Variants in CCDC198 observed in about 807,000 individuals in gnomAD.
CCDC198 encodes the protein factor associated with metabolism and energy.
CCDC198 carries 18 observed loss-of-function variants against 35.6 expected under a neutral mutation model. The observed-to-expected ratio is 0.51, with a 90% CI of 0.35 to 0.75. CCDC198 has a LOEUF of 0.75. Among genes scored for constraint, CCDC198 ranks in the 30% least tolerant of loss-of-function variants. CCDC198 has a pLI of 0.01. For missense variants in CCDC198, 365 were observed against 343.7 expected (o/e 1.06, Z -0.49); for synonymous variants, 119 against 113.4 (o/e 1.05, Z -0.31).
intron 1 of CCDC198, among the ~76,000 whole-genome samples, chr14:57,491,744 G>A (rs1444651984): frequency 6.6e-6 from 1 of 152,214 alleles, no homozygotes; most frequent in East Asian, 1.9e-4. Flanking sequence ...GCTCTTGGGA[G>A]TGCTACCATG....
intron 5 of CCDC198, chr14:57,478,988 G>C: frequency 7.8e-7 from 1 of 1,289,358 alleles, no homozygotes; most frequent in African/African-American, 1.5e-5. Flanking sequence ...CGATCTGTGT[G>C]TGTGAACAAT....
chr14:57,470,732 T>C lies in CCDC198; in HGVS notation c.*623A>G, dbSNP rs1181967402. The stretch of plus-strand genomic sequence containing the variant: ...ACCCCAAAGGACCACACTTTGGCAC[T>C]CATGCCCTTGTGTAGTCCTCTTCTG... On this transcript the variant is annotated 3_prime_UTR_variant, in exon 6 of 6. Transcript: ENST00000216445. 6.6e-6 allele frequency: 1 copy of C among 152,286 alleles called. No individual in the cohort carries two copies. The highest frequency in any genetic ancestry group is 1.5e-5 in the Non-Finnish European group (1 of 68,052). The allele number at this position is 152,286 out of a possible 1,614,324, so 9.4% of individuals were successfully genotyped here. A position where few individuals can be genotyped will look rare whatever the true frequency, so the allele number is the denominator to read the frequency against.
At chr14:57,475,430 T>C (rs2066950863) in intron 5 of CCDC198, 1 of 1,203,116 alleles carries the variant, frequency 8.3e-7, no homozygotes, top group African/African-American at 1.6e-5. Context: ...CATATGACTG[T>C]TTTCACTATA....
At chr14:57,491,382 G>T (rs2067562884) in intron 1 of CCDC198, among the ~76,000 whole-genome samples, 1 of 151,968 alleles carries the variant, frequency 6.6e-6, no homozygotes, top group African/African-American at 2.4e-5. Context: ...ACAGAATTTG[G>T]CCTGGAAAAT....
intron 5 of CCDC198, among the ~76,000 whole-genome samples, chr14:57,477,038 C>G (rs1566575298): frequency 6.6e-6 from 1 of 152,202 alleles, no homozygotes; most frequent in African/African-American, 2.4e-5. Context: ...TGGCTGTGAC[C>G]TTGCATATGT....
intron 5 of CCDC198, among the ~76,000 whole-genome samples, chr14:57,479,626 G>A (rs2067116990): frequency 6.6e-6 from 1 of 152,190 alleles, no homozygotes; most frequent in Admixed American, 6.5e-5. Flanking sequence ...ACTCCCAGGT[G>A]ATACTGATGA....
At chr14:57,475,477 T>A in intron 5 of CCDC198, 1 of 1,223,070 alleles carries the variant, frequency 8.2e-7, no homozygotes, top group Non-Finnish European at 1.1e-6. Flanking sequence ...GGCTCATGCC[T>A]GTAATCGGAT....
At chr14:57,486,901 G>T (rs1206976244) in intron 2 of CCDC198, among the ~76,000 whole-genome samples, 1 of 152,180 alleles carries the variant, frequency 6.6e-6, no homozygotes, top group African/African-American at 2.4e-5. Flanking sequence ...TTTCTCCCTG[G>T]CGTTTGAAAA....
At chr14:57,475,784 GC>G in intron 5 of CCDC198, 8 of 204,090 alleles carry the variant, frequency 3.9e-5, no homozygotes, top group South Asian at 2.4e-4. Context: ...ACGGCACTTA[GC>G]TTCTTTTTTT....
Position 57,493,494 on chromosome 14 carries a change from T to A in CCDC198, c.222A>T (p.Thr74=). 2 of 1,612,804 alleles carry A rather than the reference T, an allele frequency of 1.2e-6. No homozygotes were observed. Among genetic ancestry groups the A allele is most frequent in the Non-Finnish European group, 8.5e-7 (1 of 1,178,866 alleles). ...TCTCATGCTGGGTTTTATGTTTACC[T>A]GTAGAATATCTTCCATACCAGTTTT... ...LQENWYGRYS[T]ASRDMYFDIP... The change falls in exon 1 of 6, where the codon ACA becomes ACT. Residue 74 remains threonine (T), a splice_region_variant and synonymous_variant. Transcript: ENST00000216445.
At chr14:57,485,550 A>G (rs1152519) in intron 2 of CCDC198, among the ~76,000 whole-genome samples, 140,795 of 152,240 alleles carry the variant, frequency 0.92, 66,092 homozygotes, top group East Asian at 1. Context: ...AGGTGACCAG[A>G]ATAAAAAGAG....
chr14:57,471,613 T>A, intron 5 of CCDC198, 23 bp from the exon 6 acceptor site: 1 of 1,360,334 alleles, frequency 7.4e-7, no homozygotes, highest in East Asian at 2.4e-5. Flanking sequence ...TAAGTTTCTT[T>A]AATTTTTTCC....
intron 5 of CCDC198, chr14:57,475,256 A>C: frequency 1.8e-6 from 1 of 542,254 alleles, no homozygotes; most frequent in Middle Eastern, 8.7e-4. Flanking sequence ...GTGAGACTCC[A>C]TCTCAAAATA....
intron 5 of CCDC198, chr14:57,475,215 T>A (rs961586699): frequency 2.2e-5 from 8 of 365,152 alleles, no homozygotes; most frequent in Middle Eastern, 2.7e-3. Flanking sequence ...GTGCAGAGAT[T>A]GTGCCACTGC....
Position 57,488,259 on chromosome 14 carries a change from G to T in CCDC198, c.306+2730C>A, listed in dbSNP as rs74335666. On this transcript the variant is annotated intron_variant, in intron 2 of 5. Transcript: ENST00000216445. ...AGAGCTCTGCATTTCAGGTTGCAAG[G>T]TATAATTCTTCCCTGAAGCTTAGGT... is the stretch of plus-strand genomic sequence containing the variant. 9.0e-3 allele frequency among the ~76,000 whole-genome samples: 1,364 copies of T among 152,262 alleles called. 8 individuals are homozygous for T. Among genetic ancestry groups the T allele is most frequent in the Non-Finnish European group, 0.017 (1,131 of 68,002 alleles).
intron 2 of CCDC198, among the ~76,000 whole-genome samples, chr14:57,489,913 G>A (rs2067502833): frequency 6.6e-6 from 1 of 152,032 alleles, no homozygotes. Context: ...TAGAGGATTT[G>A]TAAAAACTTG....
chr14:57,482,302 A>G (rs1152521), intron 3 of CCDC198, among the ~76,000 whole-genome samples: 139,833 of 152,168 alleles, frequency 0.92, 65,426 homozygotes, highest in East Asian at 1. Flanking sequence ...GCCAGGAAAG[A>G]TGATGTGTTT....
intron 2 of CCDC198, among the ~76,000 whole-genome samples, chr14:57,488,383 T>C (rs1461411430): frequency 6.6e-6 from 1 of 152,212 alleles, no homozygotes; most frequent in African/African-American, 2.4e-5. Flanking sequence ...ACAGTCATGT[T>C]ACAGTGATGG....
At chr14:57,493,038 C>T (rs2067628961) in intron 1 of CCDC198, among the ~76,000 whole-genome samples, 2 of 152,112 alleles carry the variant, frequency 1.3e-5, no homozygotes, top group African/African-American at 4.8e-5. Flanking sequence ...TTTCAAAATT[C>T]ATGTTAGAAT....
Sources: allele counts gnomAD v4.1 joint callset (sites outside exome capture counted in the v4.1 genomes callset), GRCh38; gene constraint gnomAD v4.1.1; transcripts MANE v1.5; gene names NCBI Gene and HGNC (gene_info 2026-07-23, HGNC 2026-07-21).